Variants in FRAS1 observed in about 807,000 individuals in gnomAD.
FRAS1 encodes extracellular matrix organizing protein FRAS1.
A neutral mutation model predicts 435.2 loss-of-function variants in FRAS1; 290 were observed. That is an observed-to-expected ratio of 0.67 (90% CI 0.61 to 0.73). The LOEUF is 0.73. Ranked by LOEUF, FRAS1 falls within the 30% of genes least tolerant of loss-of-function variation. The pLI, the probability that FRAS1 is intolerant of heterozygous loss-of-function variation, is 0.00. For synonymous variants in FRAS1, 1,800 were observed against 1,851.0 expected, an observed-to-expected ratio of 0.97 and a Z score of 0.71; for missense variants, 4,860 against 5,001.5, an observed-to-expected ratio of 0.97 and a Z score of 0.85.
intron 20 of FRAS1, among the ~76,000 whole-genome samples, chr4:78,355,898 G>A (rs1251421200): frequency 6.6e-6 from 1 of 152,190 alleles, no homozygotes; most frequent in East Asian, 1.9e-4. Flanking sequence ...CTTCTATGGT[G>A]TGGGCCCATC....
intron 20 of FRAS1, among the ~76,000 whole-genome samples, chr4:78,340,086 G>C (rs1011706972): frequency 2.0e-5 from 3 of 152,194 alleles, no homozygotes; most frequent in Non-Finnish European, 4.4e-5. Flanking sequence ...CTAATGTCCA[G>C]AGTGTTCTTT....
chr4:78,166,243 A>T (rs1356753531), intron 2 of FRAS1, among the ~76,000 whole-genome samples: 1 of 152,192 alleles, frequency 6.6e-6, no homozygotes, highest in Non-Finnish European at 1.5e-5. Flanking sequence ...GGAGCTGGCA[A>T]CATGGTTAAA....
At chr4:78,261,973 A>C (rs1560611139) in intron 6 of FRAS1, among the ~76,000 whole-genome samples, 1 of 152,070 alleles carries the variant, frequency 6.6e-6, no homozygotes, top group Non-Finnish European at 1.5e-5. Context: ...CTATTTACTC[A>C]TCCTTCATCA....
chr4:78,219,278 C>T (rs940728779), intron 2 of FRAS1, among the ~76,000 whole-genome samples: 2 of 152,070 alleles, frequency 1.3e-5, no homozygotes, highest in African/African-American at 2.4e-5. Context: ...TGTCTTTTAG[C>T]AAATGAATTC....
At chr4:78,432,264 A>G in intron 37 of FRAS1, 93 bp from the exon 38 acceptor site, 3 of 1,300,618 alleles carry the variant, frequency 2.3e-6, no homozygotes, top group Middle Eastern at 2.0e-4. Context: ...ATGATCCTAT[A>G]TGAACCTTAA....
chr4:78,457,667 G>A (rs754849601), intron 47 of FRAS1, among the ~76,000 whole-genome samples: 230 of 152,290 alleles, frequency 1.5e-3, no homozygotes, highest in Non-Finnish European at 2.2e-3. Context: ...CCTCAAGGAC[G>A]AGTCTAGACG....
At chr4:78,093,580 A>AATCTGAACTACCAGATCTGAT (rs1741640473) in intron 2 of FRAS1, among the ~76,000 whole-genome samples, 2 of 152,228 alleles carry the variant, frequency 1.3e-5, no homozygotes, top group Non-Finnish European at 2.9e-5. Context: ...AGGTATTCAA[A>AATCTGAACTACCAGATCTGAT]ATCTGAACTA....
intron 2 of FRAS1, among the ~76,000 whole-genome samples, chr4:78,220,902 G>T (rs1033894847): frequency 4.1e-4 from 62 of 152,110 alleles, no homozygotes; most frequent in African/African-American, 1.4e-3. Flanking sequence ...TACAGGCTGG[G>T]CATGGTGGCT....
At chr4:78,422,986 TA>T (rs1733849769) in intron 34 of FRAS1, among the ~76,000 whole-genome samples, 1 of 152,070 alleles carries the variant, frequency 6.6e-6, no homozygotes, top group Admixed American at 6.6e-5. Context: ...AGTTTCTCAT[TA>T]AAGCCAGTGT....
intron 27 of FRAS1, among the ~76,000 whole-genome samples, chr4:78,381,385 C>A (rs151134903): frequency 6.6e-6 from 1 of 152,170 alleles, no homozygotes; most frequent in Admixed American, 6.5e-5. Context: ...CTCACTGCAA[C>A]CTCTGCCTCT....
At chr4:78,257,243 G>T (rs1725837326) in intron 6 of FRAS1, among the ~76,000 whole-genome samples, 1 of 152,124 alleles carries the variant, frequency 6.6e-6, no homozygotes, top group African/African-American at 2.4e-5. Context: ...GACTATATGT[G>T]ACTTATATTT....
intron 2 of FRAS1, among the ~76,000 whole-genome samples, chr4:78,206,618 C>G (rs1723269454): frequency 6.6e-6 from 1 of 152,064 alleles, no homozygotes; most frequent in Non-Finnish European, 1.5e-5. Flanking sequence ...GGGAATACAC[C>G]TCTTGTGCAA....
intron 31 of FRAS1, 58 bp from the exon 32 acceptor site, chr4:78,412,911 A>G: frequency 9.8e-7 from 1 of 1,020,096 alleles, no homozygotes; most frequent in Non-Finnish European, 1.4e-6. Flanking sequence ...AAACCCACGT[A>G]CTAACATGCT....
rs180786497 is a variant in FRAS1, at chr4:78,203,810, C to T, written c.109-33700C>T. Among the ~76,000 whole-genome samples the T allele has an allele frequency of 1.9e-3, 290 of 152,276 alleles. 1 individual carries two copies. The highest frequency in any genetic ancestry group is 6.7e-3 in the African/African-American group (278 of 41,568). On this transcript the variant is annotated intron_variant, in intron 2 of 73. Transcript: ENST00000512123. The stretch of plus-strand genomic sequence containing the variant: ...CTCGAACTCCTGACCTCAGGTGATC[C>T]GCCCGCCTCGGGCTCCCAAAGTGCT...
chr4:78,248,300 C>A (rs761815981), intron 4 of FRAS1, among the ~76,000 whole-genome samples: 2 of 152,198 alleles, frequency 1.3e-5, no homozygotes, highest in East Asian at 3.8e-4. Flanking sequence ...GGGAGGCAAG[C>A]CTCAAATGCG....
chr4:78,087,373 G>T (rs1741240984), intron 2 of FRAS1, among the ~76,000 whole-genome samples: 1 of 152,100 alleles, frequency 6.6e-6, no homozygotes, highest in South Asian at 2.1e-4. Context: ...ACAAGACAGG[G>T]ATGCCCTCTC....
At chr4:78,367,408 C>CAA (rs11299648) in intron 22 of FRAS1, among the ~76,000 whole-genome samples, 1 of 122,148 alleles carries the variant, frequency 8.2e-6, no homozygotes. Flanking sequence ...AGAACTGTCT[C>CAA]AAAAAAAAAA....
chr4:78,222,102 C>G (rs1266902063), intron 2 of FRAS1, among the ~76,000 whole-genome samples: 1 of 152,012 alleles, frequency 6.6e-6, no homozygotes, highest in African/African-American at 2.4e-5. Context: ...CTGGTTCAAT[C>G]TGGACTATGT....
intron 2 of FRAS1, among the ~76,000 whole-genome samples, chr4:78,211,900 C>T (rs1354308517): frequency 6.6e-6 from 1 of 152,168 alleles, no homozygotes; most frequent in Non-Finnish European, 1.5e-5. Context: ...TACTTTCTCT[C>T]TCTCAAAGTT....
Sources: allele counts gnomAD v4.1 joint callset (sites outside exome capture counted in the v4.1 genomes callset), GRCh38; gene constraint gnomAD v4.1.1; transcripts MANE v1.5; gene names NCBI Gene and HGNC (gene_info 2026-07-23, HGNC 2026-07-21).